Variants in ZNF292 observed in about 807,000 individuals in gnomAD.
ZNF292 encodes the protein 16 zinc-finger domain protein.
A neutral mutation model predicts 217.9 loss-of-function variants in ZNF292; 26 were observed. That is an observed-to-expected ratio of 0.12 (90% confidence interval 0.09 to 0.17). ZNF292 has a LOEUF of 0.17. Ranked by LOEUF, ZNF292 falls within the 10% of genes least tolerant of loss-of-function variation. The pLI is 1.00. For missense variants in ZNF292, 2,904 were observed against 3,175.2 expected, an observed-to-expected ratio of 0.91 and a Z score of 2.05; for synonymous variants, 1,257 against 1,124.1, an observed-to-expected ratio of 1.12 and a Z score of -2.37.
In ZNF292 at chr6:87,158,222, A is replaced by G. The variant is rs541574599; in HGVS notation, c.168+2463A>G. Among the ~76,000 whole-genome samples, 3 of 152,360 alleles carry G rather than the reference A, an allele frequency of 2.0e-5. No individual in the cohort carries two copies. In the South Asian group the frequency reaches 6.2e-4, roughly 32 times the overall value. ...ATACACTGTAAGCTCAGAATAATTT[A>G]AATACACTTAAAAGTAATCTCCATT... On this transcript the variant is annotated intron_variant, in intron 1 of 7. Transcript: ENST00000369577.
At chr6:87,207,314 T>C (rs1041076854) in intron 1 of ZNF292, among the ~76,000 whole-genome samples, 3 of 152,232 alleles carry the variant, frequency 2.0e-5, no homozygotes, top group African/African-American at 7.2e-5. Flanking sequence ...CTGTCCCTCT[T>C]AAGATTGCTT....
chr6:87,233,526 A>G lies in ZNF292; in HGVS notation c.740A>G (p.Glu247Gly). The G allele has an allele frequency of 6.2e-7, 1 of 1,604,638 alleles. No individual in the cohort carries two copies. Among genetic ancestry groups the G allele is most frequent in the Non-Finnish European group, 8.5e-7 (1 of 1,175,458 alleles). ...TSSPNGKLIE[E>G]ISEVDCKDAL... Reference sequence around the variant, plus strand: ...TCACCAAATGGAAAGTTAATCGAAGAGGTGAGTATGTTTTCTTTCATTAGT... The same window carrying G: ...TCACCAAATGGAAAGTTAATCGAAGGGGTGAGTATGTTTTCTTTCATTAGT... The change falls in exon 5 of 8, where the codon GAG (glutamate) becomes GGG (glycine). Residue 247 changes from glutamate (E) to glycine (G), a missense_variant and splice_region_variant. By Grantham distance (98) the Glu-to-Gly change is moderately conservative (BLOSUM62 -2). This residue lies in a region of ZNF292 where 313 missense variants were observed against 451.0 expected (regional missense o/e 0.69). Coordinates refer to ENST00000369577, the MANE Select transcript of ZNF292 (RefSeq NM_015021.3).
At chr6:87,239,897 A>T (rs1774168081) in intron 5 of ZNF292, among the ~76,000 whole-genome samples, 1 of 149,610 alleles carries the variant, frequency 6.7e-6, no homozygotes, top group Non-Finnish European at 1.5e-5. Context: ...GGCTCCTCAC[A>T]TCCCAGACGA....
At chr6:87,250,258 C>G (rs985840353) in intron 7 of ZNF292, among the ~76,000 whole-genome samples, 1 of 144,768 alleles carries the variant, frequency 6.9e-6, no homozygotes, top group African/African-American at 2.7e-5. Context: ...ACAGTGAAAC[C>G]TGATCTCTAC....
At chr6:87,181,389 T>C (rs1362615061) in intron 1 of ZNF292, among the ~76,000 whole-genome samples, 1 of 152,174 alleles carries the variant, frequency 6.6e-6, no homozygotes, top group Non-Finnish European at 1.5e-5. Flanking sequence ...TCCTCTGCCA[T>C]GCCACCCTGC....
At chr6:87,240,515 C>A (rs543814569) in intron 5 of ZNF292, among the ~76,000 whole-genome samples, 81 of 152,270 alleles carry the variant, frequency 5.3e-4, no homozygotes, top group African/African-American at 1.9e-3. Flanking sequence ...CTCCACCTCC[C>A]AGGTTCAAGC....
At chr6:87,194,003 A>C (rs1053450984) in intron 1 of ZNF292, among the ~76,000 whole-genome samples, 1 of 152,226 alleles carries the variant, frequency 6.6e-6, no homozygotes, top group Non-Finnish European at 1.5e-5. Flanking sequence ...TAATGGAGGA[A>C]GAGGAAAAAC....
At chr6:87,251,274 G>A (rs1774907956) in intron 7 of ZNF292, among the ~76,000 whole-genome samples, 1 of 152,180 alleles carries the variant, frequency 6.6e-6, no homozygotes, top group African/African-American at 2.4e-5. Flanking sequence ...GAAATACATG[G>A]TAATTATTTA....
At chr6:87,212,200 C>G (rs1287289328) in intron 1 of ZNF292, among the ~76,000 whole-genome samples, 1 of 152,052 alleles carries the variant, frequency 6.6e-6, no homozygotes, top group Admixed American at 6.6e-5. Context: ...AGGGTGAGAT[C>G]TGAAAGGGTT....
At chr6:87,189,134 GAC>G (rs1400105193) in intron 1 of ZNF292, among the ~76,000 whole-genome samples, 3 of 152,126 alleles carry the variant, frequency 2.0e-5, no homozygotes, top group African/African-American at 7.2e-5. Context: ...GAACCCGAGA[GAC>G]AGAGGTTGCA....
chr6:87,260,534 T>C lies in ZNF292; in HGVS notation c.6905T>C (p.Met2302Thr), dbSNP rs201064332. 8 of 1,613,112 alleles carry C rather than the reference T, an allele frequency of 5.0e-6. No individual in the cohort carries two copies. Among genetic ancestry groups the C allele is most frequent in the African/African-American group, 1.3e-5 (1 of 74,834 alleles). Residue 2302 changes from methionine (M) to threonine (T), a missense_variant, in exon 8 of 8, where the codon ATG becomes ACG. Physicochemically the swap from Met to Thr is moderately conservative, Grantham distance 81. Around this residue, in one of 15 missense-constraint regions of ZNF292, gnomAD observed 101 missense variants for 89.5 expected, o/e 1.13. Transcript: ENST00000369577. ...PRRLTPGQEN[M>T]SSKANQEKSK... Reference sequence around the variant, plus strand: ...AGATTAACACCAGGCCAGGAAAATATGTCAAGCAAGGCAAACCAAGAAAAA... The same window carrying C: ...AGATTAACACCAGGCCAGGAAAATACGTCAAGCAAGGCAAACCAAGAAAAA...
chr6:87,257,897 C>G lies in ZNF292; in HGVS notation c.4268C>G (p.Ala1423Gly). ...LQSNGQPSLLASMILSTNAVN... is the reference protein window; with the variant it reads ...LQSNGQPSLLGSMILSTNAVN... ...AGTAATGGACAGCCTTCTCTTCTTG[C>G]CAGCATGATTCTCTCCACAAATGCA... The change falls in exon 8 of 8, where the codon GCC (alanine) becomes GGC (glycine). Residue 1423 changes from alanine (A) to glycine (G), a missense_variant. By Grantham distance (60) the Ala-to-Gly change is moderately conservative (BLOSUM62 0). Transcript: ENST00000369577. 6.2e-7 allele frequency: 1 copy of G among 1,613,878 alleles called. No homozygotes were observed. The highest frequency in any genetic ancestry group is 8.5e-7 in the Non-Finnish European group (1 of 1,179,824).
chr6:87,229,605 T>C (rs1025523089), intron 4 of ZNF292, among the ~76,000 whole-genome samples: 5 of 152,278 alleles, frequency 3.3e-5, no homozygotes, highest in Non-Finnish European at 7.4e-5. Flanking sequence ...TTTGTATTTT[T>C]AGTAGAGACA....
rs1225434557 is a variant in ZNF292, at chr6:87,247,268, G to A, written c.1020+1624G>A. On this transcript the variant is annotated intron_variant, in intron 7 of 7. Transcript: ENST00000369577. ...CCCTCACCACCGCCCCCTGCCACCC[G>A]CAACACACACACATGCGCACGCACG... 1.0e-4 allele frequency among the ~76,000 whole-genome samples: 8 copies of A among 77,854 alleles called. No homozygotes were observed. The Middle Eastern group carries it at 0.021, about 200-fold the overall frequency. 51.1% of individuals were successfully genotyped at this position (77,854 alleles called of 152,430 possible).
intron 1 of ZNF292, among the ~76,000 whole-genome samples, chr6:87,212,498 A>C (rs1261139765): frequency 6.6e-6 from 1 of 152,186 alleles, no homozygotes; most frequent in Non-Finnish European, 1.5e-5. Context: ...CCTCAGCCTA[A>C]TGTTATCTCA....
chr6:87,171,699 A>G (rs1771104737), intron 1 of ZNF292, among the ~76,000 whole-genome samples: 1 of 152,208 alleles, frequency 6.6e-6, no homozygotes, highest in African/African-American at 2.4e-5. Context: ...AAAGTCTGGT[A>G]TGTATTTTAT....
chr6:87,178,148 G>T (rs1771361258), intron 1 of ZNF292, among the ~76,000 whole-genome samples: 1 of 152,134 alleles, frequency 6.6e-6, no homozygotes, highest in Admixed American at 6.5e-5. Context: ...CTACTAAAGG[G>T]ATTTAATTAC....
At chr6:87,219,273 TATA>T (rs1223564663) in intron 4 of ZNF292, among the ~76,000 whole-genome samples, 1 of 152,164 alleles carries the variant, frequency 6.6e-6, no homozygotes, top group African/African-American at 2.4e-5. Flanking sequence ...GTTTAAAATT[TATA>T]TAGACCCTGA....
At chr6:87,168,460 G>A (rs1770985410) in intron 1 of ZNF292, among the ~76,000 whole-genome samples, 1 of 152,184 alleles carries the variant, frequency 6.6e-6, no homozygotes, top group Non-Finnish European at 1.5e-5. Context: ...AGGAGGTGAT[G>A]TTATATATTA....
Sources: gnomAD v4.1 joint callset for allele counts (sites outside exome capture counted in the v4.1 genomes callset) on GRCh38, gnomAD v4.1.1 for gene constraint, gnomAD v4.1.1 regional missense constraint, MANE v1.5 for transcripts, NCBI Gene and HGNC (gene_info 2026-07-23, HGNC 2026-07-21) for gene names.